The following CCDC178 variants were observed in gnomAD, a reference collection of about 807,000 sequenced individuals.
The protein encoded by CCDC178 is coiled-coil domain containing 178.
A neutral mutation model predicts 117.4 loss-of-function variants in CCDC178; 126 were observed. The observed-to-expected ratio is 1.07, with a 90% CI of 0.93 to 1.24. The LOEUF is 1.24. Ranked by LOEUF, CCDC178 falls within the 50% of genes most tolerant of loss-of-function variation. CCDC178 has a pLI of 0.00. For missense variants in CCDC178, 1,030 were observed against 986.9 expected, an observed-to-expected ratio of 1.04 and a Z score of -0.59; for synonymous variants, 283 against 313.4, an observed-to-expected ratio of 0.90 and a Z score of 1.02.
chr18:33,040,515 C>T (rs1044850720), intron 21 of CCDC178, among the ~76,000 whole-genome samples: 4 of 151,842 alleles, frequency 2.6e-5, no homozygotes, highest in African/African-American at 9.7e-5. Context: ...GAAAAGTTGC[C>T]CTGTATCTAT....
intron 21 of CCDC178, among the ~76,000 whole-genome samples, chr18:32,997,698 C>G (rs2055544258): frequency 6.6e-6 from 1 of 151,824 alleles, no homozygotes; most frequent in Admixed American, 6.6e-5. Context: ...TATATATTAT[C>G]TATCTATTCG....
intron 20 of CCDC178, among the ~76,000 whole-genome samples, chr18:33,148,826 T>C (rs146926593): frequency 6.6e-6 from 1 of 152,294 alleles, no homozygotes; most frequent in East Asian, 1.9e-4. Context: ...CATGTCACAA[T>C]AAGGGAGCAA....
At chr18:33,371,149 A>G (rs1416908148) in intron 5 of CCDC178, among the ~76,000 whole-genome samples, 1 of 152,024 alleles carries the variant, frequency 6.6e-6, no homozygotes, top group Non-Finnish European at 1.5e-5. Context: ...AATCTTTTAA[A>G]TATCTTTTAA....
At chr18:33,056,228 T>C (rs1396607168) in intron 21 of CCDC178, among the ~76,000 whole-genome samples, 4 of 152,174 alleles carry the variant, frequency 2.6e-5, no homozygotes. Flanking sequence ...TTCATCTTAG[T>C]GGGGAGAGAA....
rs1050673282 is a variant in CCDC178 at position 33,161,742 on chromosome 18, A to G, written c.2238+50154T>C. On this transcript the variant is annotated intron_variant, in intron 20 of 22. Coordinates refer to ENST00000383096, the MANE Select transcript of CCDC178 (RefSeq NM_001105528.4). ...CTTCATCCATGTCCCTACACAGGAC[A>G]TGAACTCATCATTTTTTATGGCTGC... Among the ~76,000 whole-genome samples, 5 of 152,328 alleles carry G rather than the reference A, an allele frequency of 3.3e-5. No homozygotes were observed. In the East Asian group the frequency reaches 5.8e-4, roughly 18 times the overall value.
At chr18:33,319,289 G>A (rs1455506984) in intron 11 of CCDC178, among the ~76,000 whole-genome samples, 1 of 151,952 alleles carries the variant, frequency 6.6e-6, no homozygotes, top group Non-Finnish European at 1.5e-5. Context: ...AGAACATGCG[G>A]TGTTTGTTTC....
intron 14 of CCDC178, among the ~76,000 whole-genome samples, chr18:33,249,865 G>A (rs1352134289): frequency 2.0e-5 from 3 of 151,944 alleles, no homozygotes; most frequent in African/African-American, 7.3e-5. Flanking sequence ...GGGCAGTATG[G>A]CCATTTTCAT....
intron 21 of CCDC178, among the ~76,000 whole-genome samples, chr18:33,047,763 T>C (rs2056671735): frequency 6.6e-6 from 1 of 152,200 alleles, no homozygotes; most frequent in Non-Finnish European, 1.5e-5. Context: ...AATGCTAAAC[T>C]GGGTTTTGCC....
At chr18:33,102,562 G>A (rs1433123559) in intron 20 of CCDC178, among the ~76,000 whole-genome samples, 1 of 151,590 alleles carries the variant, frequency 6.6e-6, no homozygotes, top group Non-Finnish European at 1.5e-5. Flanking sequence ...ATCCTTATGG[G>A]TTGAATTACT....
At chr18:33,411,672 T>C (rs2063857221) in intron 3 of CCDC178, among the ~76,000 whole-genome samples, 1 of 152,182 alleles carries the variant, frequency 6.6e-6, no homozygotes, top group Non-Finnish European at 1.5e-5. Context: ...AGCTGTTAGT[T>C]GGTAATAAAT....
intron 21 of CCDC178, among the ~76,000 whole-genome samples, chr18:33,083,880 C>A (rs2057336317): frequency 6.6e-6 from 1 of 152,194 alleles, no homozygotes; most frequent in Non-Finnish European, 1.5e-5. Flanking sequence ...ATTTCAAGAT[C>A]AGATACCTAT....
chr18:33,212,514 A>G (rs2059120563), intron 19 of CCDC178, among the ~76,000 whole-genome samples: 1 of 151,992 alleles, frequency 6.6e-6, no homozygotes, highest in African/African-American at 2.4e-5. Context: ...CATAGTGGAG[A>G]GAGAAAAAAA....
Position 33,387,556 on chromosome 18 carries a change from G to A in CCDC178, c.208+1984C>T, listed in dbSNP as rs148169756. Among the ~76,000 whole-genome samples, 185 of 152,094 alleles carry A rather than the reference G, an allele frequency of 1.2e-3. 1 individual carries two copies. The highest frequency in any genetic ancestry group is 4.1e-3 in the African/African-American group (171 of 41,514). On this transcript the variant is annotated intron_variant, in intron 5 of 22. Transcript: ENST00000383096. ...GAATAAAGAACTCAGAAAGAAAACC[G>A]CACATCTACAACCATCTGATCTTCG...
Position 33,370,070 on chromosome 18 carries a change from T to G in CCDC178, c.328A>C (p.Ile110Leu), listed in dbSNP as rs759313153. The G allele has an allele frequency of 2.3e-5, 37 of 1,593,570 alleles. No individual in the cohort carries two copies. The highest frequency in any genetic ancestry group is 3.2e-5 in the Non-Finnish European group (37 of 1,171,720). ...ISHIQDVESK[I>L]QEHLKRFETS... ...CTTACCCTTTTCAAATGCTCCTGTATTTTGGACTCCACATCTTGGATGTGT... is the reference window on the plus strand; with the variant it reads ...CTTACCCTTTTCAAATGCTCCTGTAGTTTGGACTCCACATCTTGGATGTGT... The change falls in exon 6 of 23, where the codon ATA becomes CTA. Residue 110 changes from isoleucine (I) to leucine (L), a missense_variant. Ile to Leu is a conservative substitution (Grantham distance 5). Transcript: ENST00000383096.
intron 20 of CCDC178, among the ~76,000 whole-genome samples, chr18:33,114,160 G>T (rs2057820762): frequency 6.6e-6 from 1 of 152,040 alleles, no homozygotes. Context: ...AAATGAAGAG[G>T]TTGGTTTACT....
chr18:33,379,661 G>T (rs1417192241), intron 5 of CCDC178, among the ~76,000 whole-genome samples: 1 of 152,106 alleles, frequency 6.6e-6, no homozygotes, highest in Non-Finnish European at 1.5e-5. Context: ...TCTCCGCAAG[G>T]TGATGGAGGG....
chr18:33,402,093 C>T (rs904452375), intron 3 of CCDC178, among the ~76,000 whole-genome samples: 1 of 152,172 alleles, frequency 6.6e-6, no homozygotes, highest in East Asian at 1.9e-4. Context: ...CACAAATGTT[C>T]ACAGCCTATG....
intron 21 of CCDC178, among the ~76,000 whole-genome samples, chr18:33,001,034 G>T (rs527239294): frequency 1.3e-5 from 2 of 152,204 alleles, no homozygotes; most frequent in South Asian, 4.1e-4. Context: ...AGCATAATAA[G>T]ATATAAATAG....
intron 15 of CCDC178, among the ~76,000 whole-genome samples, chr18:33,230,325 T>C (rs964082276): frequency 6.6e-6 from 1 of 151,982 alleles, no homozygotes; most frequent in African/African-American, 2.4e-5. Context: ...CTTTCAAATA[T>C]GATAAAACCG....
Sources: allele counts gnomAD v4.1 joint callset (sites outside exome capture counted in the v4.1 genomes callset), GRCh38; gene constraint gnomAD v4.1.1; transcripts MANE v1.5; gene names NCBI Gene and HGNC (gene_info 2026-07-23, HGNC 2026-07-21).